DNAAF11: variants seen among roughly 807,000 people sequenced by gnomAD.
DNAAF11 encodes the protein dynein axonemal assembly factor 11.
In DNAAF11, 45 loss-of-function variants were observed where a neutral mutation model predicts 60.8. The observed-to-expected ratio is 0.74, with a 90% CI of 0.58 to 0.95. DNAAF11 has a LOEUF of 0.95. Ranked by LOEUF, DNAAF11 falls within the 40% of genes least tolerant of loss-of-function variation. The pLI is 0.00. For synonymous variants in DNAAF11, 191 were observed against 183.5 expected, an observed-to-expected ratio of 1.04 and a Z score of -0.33; for missense variants, 546 against 546.2, an observed-to-expected ratio of 1.00 and a Z score of 0.00.
intron 11 of DNAAF11, 67 bp from the exon 12 acceptor site, chr8:132,572,547 C>T (rs1814315431): frequency 1.7e-6 from 2 of 1,192,342 alleles, no homozygotes; most frequent in South Asian, 1.5e-5. Context: ...ACAGATTCAA[C>T]TCACCCATCC....
the DNAAF11 span, among the ~76,000 whole-genome samples, chr8:132,692,371 C>T: frequency 8.4e-3 from 1,272 of 152,268 alleles, 20 homozygotes; most frequent in African/African-American, 0.029. Flanking sequence ...ATTCAATTCC[C>T]CTGCTGGGCT....
intron 3 of DNAAF11, among the ~76,000 whole-genome samples, chr8:132,647,148 C>G (rs984167040): frequency 6.6e-6 from 1 of 152,208 alleles, no homozygotes; most frequent in Non-Finnish European, 1.5e-5. Context: ...AACTGTCTCT[C>G]AGGCCACAGT....
intron 11 of DNAAF11, among the ~76,000 whole-genome samples, chr8:132,579,555 A>G (rs755809281): frequency 8.5e-5 from 13 of 152,124 alleles, no homozygotes; most frequent in Admixed American, 4.6e-4. Flanking sequence ...AACTGAGGCT[A>G]TTTTAGCCAG....
At chr8:132,634,827 T>C (rs958203944) in intron 4 of DNAAF11, among the ~76,000 whole-genome samples, 1 of 149,882 alleles carries the variant, frequency 6.7e-6, no homozygotes, top group African/African-American at 2.4e-5. Context: ...TATATAACTG[T>C]ATATTATAAC....
the DNAAF11 span, among the ~76,000 whole-genome samples, chr8:132,681,207 T>C: frequency 6.6e-6 from 1 of 151,358 alleles, no homozygotes; most frequent in Non-Finnish European, 1.5e-5. Context: ...ATGGGGTTTC[T>C]CCATGTTGGT....
intron 11 of DNAAF11, among the ~76,000 whole-genome samples, chr8:132,575,195 G>A (rs1814613363): frequency 6.6e-6 from 1 of 152,144 alleles, no homozygotes; most frequent in Non-Finnish European, 1.5e-5. Flanking sequence ...TGGCCCTTGT[G>A]AATTACTCAG....
chr8:132,627,135 C>G (rs1226599293), intron 5 of DNAAF11, among the ~76,000 whole-genome samples: 1 of 152,106 alleles, frequency 6.6e-6, no homozygotes, highest in Non-Finnish European at 1.5e-5. Context: ...AAAGAATAAT[C>G]TATGAAGGGT....
Position 132,648,982 on chromosome 8 carries a change from A to G in DNAAF11, c.256+7848T>C, listed in dbSNP as rs574489026. Among the ~76,000 whole-genome samples the G allele has an allele frequency of 1.7e-3, 256 of 152,314 alleles. 1 individual carries two copies. Among genetic ancestry groups the G allele is most frequent in the Non-Finnish European group, 8.8e-4 (60 of 68,026 alleles). ...TGCCATCCCCATCAAGCTACCAATGACTTTCTTCACAGAATTGGAAAAAAC... is the reference window on the plus strand; with the variant it reads ...TGCCATCCCCATCAAGCTACCAATGGCTTTCTTCACAGAATTGGAAAAAAC... On this transcript the variant is annotated intron_variant, in intron 3 of 11. Coordinates refer to ENST00000620350, the MANE Select transcript of DNAAF11 (RefSeq NM_012472.6).
chr8:132,698,985 C>T, the DNAAF11 span, among the ~76,000 whole-genome samples: 4 of 140,594 alleles, frequency 2.8e-5, no homozygotes, highest in South Asian at 2.2e-4. Flanking sequence ...AAAAATTAGC[C>T]GGGCGCCATG....
intron 3 of DNAAF11, among the ~76,000 whole-genome samples, chr8:132,651,255 G>A (rs1238878841): frequency 6.6e-6 from 1 of 150,518 alleles, no homozygotes; most frequent in African/African-American, 2.4e-5. Context: ...CTACCCTGGT[G>A]AATCTTCAAC....
chr8:132,577,012 T>C (rs937202643), intron 11 of DNAAF11, among the ~76,000 whole-genome samples: 1 of 152,218 alleles, frequency 6.6e-6, no homozygotes, highest in South Asian at 2.1e-4. Context: ...GTGCAATACA[T>C]GTATAGCAAA....
chr8:132,645,049 G>T (rs1026281929), intron 3 of DNAAF11, among the ~76,000 whole-genome samples: 18 of 152,188 alleles, frequency 1.2e-4, no homozygotes, highest in Non-Finnish European at 2.2e-4. Flanking sequence ...GTGGGTCCCT[G>T]ACCCCTGGGG....
chr8:132,684,822 CA>C, the DNAAF11 span, among the ~76,000 whole-genome samples: 2 of 152,096 alleles, frequency 1.3e-5, no homozygotes, highest in African/African-American at 4.8e-5. Context: ...TTGCTAACAA[CA>C]AAGAATGCTA....
chr8:132,588,818 C>A (rs1174179672), intron 10 of DNAAF11, among the ~76,000 whole-genome samples: 3 of 152,090 alleles, frequency 2.0e-5, no homozygotes, highest in Non-Finnish European at 4.4e-5. Context: ...CCTCAGGAAA[C>A]TTACAATCAT....
At chr8:132,605,167 T>C (rs778561729) in intron 10 of DNAAF11, among the ~76,000 whole-genome samples, 1 of 152,146 alleles carries the variant, frequency 6.6e-6, no homozygotes, top group Non-Finnish European at 1.5e-5. Context: ...ACTACTGATA[T>C]CATTTTATGA....
intron 1 of DNAAF11, among the ~76,000 whole-genome samples, chr8:132,669,804 A>G (rs916433977): frequency 5.3e-5 from 8 of 152,182 alleles, no homozygotes; most frequent in African/African-American, 1.9e-4. Flanking sequence ...GGAAAATTAG[A>G]AAGTATTTTG....
chr8:132,599,942 G>C lies in DNAAF11; in HGVS notation c.1140+10224C>G, dbSNP rs925141003. The stretch of plus-strand genomic sequence containing the variant: ...AGCCAGGACAATCAGGCAGGAGAAA[G>C]AAATAAAGGGTACTCAATTAGGAAA... On this transcript the variant is annotated intron_variant, in intron 10 of 11. Coordinates refer to ENST00000620350, the MANE Select transcript of DNAAF11 (RefSeq NM_012472.6). Among the ~76,000 whole-genome samples the C allele has an allele frequency of 6.6e-5, 10 of 152,280 alleles. No homozygotes were observed. In the South Asian group the frequency reaches 1.7e-3, roughly 25 times the overall value.
intron 10 of DNAAF11, among the ~76,000 whole-genome samples, chr8:132,609,096 C>T (rs1818398411): frequency 6.6e-6 from 1 of 152,010 alleles, no homozygotes; most frequent in Non-Finnish European, 1.5e-5. Context: ...CAAAGTTGAC[C>T]CTACCCCTAG....
chr8:132,673,477 AC>A (rs1320280150), intron 1 of DNAAF11, among the ~76,000 whole-genome samples: 1 of 151,018 alleles, frequency 6.6e-6, no homozygotes, highest in African/African-American at 2.4e-5. Flanking sequence ...CATGAACAAA[AC>A]CTTTTGGTTT....
Sources: gnomAD v4.1 joint callset for allele counts (sites outside exome capture counted in the v4.1 genomes callset) on GRCh38, gnomAD v4.1.1 for gene constraint, MANE v1.5 for transcripts, NCBI Gene and HGNC (gene_info 2026-07-23, HGNC 2026-07-21) for gene names.